Variants in ACRBP observed in about 807,000 individuals in gnomAD.
ACRBP encodes acrosin binding protein, also known as acrosin-binding protein.
A neutral mutation model predicts 69.0 loss-of-function variants in ACRBP; 52 were observed. The ratio of observed to expected loss-of-function variants is 0.75; its 90% CI spans 0.60 to 0.95. ACRBP has a LOEUF of 0.95. Among genes scored for constraint, ACRBP ranks in the 40% least tolerant of loss-of-function variants. The probability of loss-of-function intolerance (pLI) is 0.00; values close to 1 mark genes in which losing one functional copy is unlikely to be tolerated. For missense variants in ACRBP, 604 were observed against 673.0 expected (o/e 0.90, Z 1.13); for synonymous variants, 267 against 258.9 (o/e 1.03, Z -0.30).
intron 6 of ACRBP, among the ~76,000 whole-genome samples, chr12:6,641,274 A>G (rs7972210): frequency 0.99 from 150,904 of 152,332 alleles, 74,760 homozygotes; most frequent in Middle Eastern, 1. Flanking sequence ...AGGAGATCGT[A>G]CTAAGCAGTA....
chr12:6,646,288 T>A (rs939217593), intron 3 of ACRBP, among the ~76,000 whole-genome samples, 195 bp downstream of exon 3: 6 of 152,262 alleles, frequency 3.9e-5, no homozygotes, highest in Non-Finnish European at 7.3e-5. Context: ...CTACTTTTCT[T>A]GCAGTAACAG....
At position 6,638,114 on chromosome 12, in the gene ACRBP, G is replaced by A. The variant is rs1276095033; in HGVS notation, c.*168C>T. 9.3e-6 allele frequency: 8 copies of A among 860,312 alleles called. No individual in the cohort carries two copies. The African/African-American group carries it at 1.4e-4, about 15-fold the overall frequency. The allele number at this position is 860,312 out of a possible 1,614,324, so 53.3% of individuals were successfully genotyped here. A position where few individuals can be genotyped will look rare whatever the true frequency, so the allele number is the denominator to read the frequency against. On this transcript the variant is annotated 3_prime_UTR_variant, in exon 10 of 10. Coordinates refer to ENST00000229243, the MANE Select transcript of ACRBP (RefSeq NM_032489.3). ...TTATGTAAAGTCATCTTTTAAGGAG[G>A]GCGCAGCTCCCACCGTGGCCCTCTC...
rs748268820 is a variant in ACRBP, at chr12:6,644,394, CTCCTCTTCCTGT to C, written c.675_686del (p.Gln226_Glu229del). 5.0e-6 allele frequency: 8 copies of C among 1,614,062 alleles called. No homozygotes were observed. The African/African-American group carries it at 1.1e-4, about 22-fold the overall frequency. On this transcript the variant is annotated inframe_deletion, in exon 5 of 10. Transcript: ENST00000229243. ...TCCCCTGTCCTTCTTCCTGCTTTCC[CTCCTCTTCCTGT>C]TCCTCTTCTTGCTCTTCCTGTTTCT...
chr12:6,646,899 T>C lies in ACRBP; in HGVS notation c.157A>G (p.Thr53Ala), dbSNP rs201181204. ...YERFFALLTP[T>A]WKAETTCRLR... Reference sequence around the variant, plus strand: ...CGGCAGGTAGTCTCTGCCTTCCAGGTTGGAGTCAGCAGTGCGAAGAAGCGT... The same window carrying C: ...CGGCAGGTAGTCTCTGCCTTCCAGGCTGGAGTCAGCAGTGCGAAGAAGCGT... The change falls in exon 2 of 10, where the codon ACC becomes GCC. Residue 53 changes from threonine to alanine, a missense_variant. Thr to Ala is a moderately conservative substitution (Grantham distance 58, BLOSUM62 0). Around this residue, in one of 3 missense-constraint regions of ACRBP, gnomAD observed 532 missense variants for 562.9 expected, o/e 0.95. Coordinates refer to ENST00000229243, the MANE Select transcript of ACRBP (RefSeq NM_032489.3). 1.3e-4 allele frequency: 207 copies of C among 1,614,060 alleles called. No individual in the cohort carries two copies. The highest frequency in any genetic ancestry group is 1.7e-4 in the Non-Finnish European group (201 of 1,180,000).
At chr12:6,646,125 ATTT>A (rs59626834) in intron 3 of ACRBP, among the ~76,000 whole-genome samples, 26 of 121,428 alleles carry the variant, frequency 2.1e-4, no homozygotes, top group Middle Eastern at 4.7e-3. Flanking sequence ...AAGCCCGGCT[ATTT>A]TTTTTTTTTT....
Position 6,646,915 on chromosome 12 carries a change from G to A in ACRBP, c.141C>T (p.Phe47=), listed in dbSNP as rs923106658. The change falls in exon 2 of 10, where the codon TTC becomes TTT. Residue 47 remains phenylalanine, a synonymous_variant. Coordinates refer to ENST00000229243, the MANE Select transcript of ACRBP (RefSeq NM_032489.3). ...PLSPTEYERF[F]ALLTPTWKAE... The stretch of plus-strand genomic sequence containing the variant: ...CCTTCCAGGTTGGAGTCAGCAGTGC[G>A]AAGAAGCGTTCGTATTCGGTAGGAG... 1.9e-6 allele frequency: 3 copies of A among 1,614,014 alleles called. No individual in the cohort carries two copies. Among genetic ancestry groups the A allele is most frequent in the East Asian group, 4.5e-5 (2 of 44,896 alleles).
rs1321783782 is a variant in ACRBP at position 6,640,219 on chromosome 12, G to A, written c.1266C>T (p.Ser422=). The change falls in exon 8 of 10, where the codon TCC becomes TCT. Residue 422 remains serine, a synonymous_variant. Transcript: ENST00000229243. This position sits in a 1 kb window ranked among gnomAD's most constrained non-coding sequence, Gnocchi z 5.3. The part of the protein sequence containing the change: ...QSLSIGNQVG[S]PESGRFYGLD... ...GCCCGTAAAAGCGGCCTGATTCTGG[G>A]GACCCTACCTGTGGCACAGGAGATA... 2 of 1,614,142 alleles carry A rather than the reference G, an allele frequency of 1.2e-6. No individual in the cohort carries two copies. Among genetic ancestry groups the A allele is most frequent in the Non-Finnish European group, 1.7e-6 (2 of 1,180,020 alleles).
chr12:6,644,744 T>C, intron 4 of ACRBP, 139 bp from the exon 5 acceptor site: 2 of 1,349,624 alleles, frequency 1.5e-6, no homozygotes, highest in Non-Finnish European at 2.0e-6. Flanking sequence ...GAAAAGAACA[T>C]AAGTATTAAA....
At chr12:6,647,281 CT>C in intron 1 of ACRBP, 42 bp downstream of exon 1, 1 of 1,534,612 alleles carries the variant, frequency 6.5e-7, no homozygotes, top group Non-Finnish European at 8.8e-7. Flanking sequence ...AGGGAGAGGA[CT>C]AGCCCGGGGA....
chr12:6,646,747 G>C, intron 2 of ACRBP, 47 bp downstream of exon 2: 1 of 1,606,694 alleles, frequency 6.2e-7, no homozygotes, highest in Non-Finnish European at 8.5e-7. Flanking sequence ...CTGAGGTTTG[G>C]GTGAACACTC....
At chr12:6,642,520 A>G (rs1949060345) in intron 6 of ACRBP, among the ~76,000 whole-genome samples, 2 of 152,206 alleles carry the variant, frequency 1.3e-5, no homozygotes, top group Admixed American at 6.5e-5. Flanking sequence ...TTCCAGTACC[A>G]TAAATGGGAG....
rs114920773 is a variant in ACRBP, at chr12:6,640,205, C to A, written c.1280G>T (p.Arg427Leu). 6.2e-7 allele frequency: 1 copy of A among 1,614,146 alleles called. No individual in the cohort carries two copies. The highest frequency in any genetic ancestry group is 1.1e-5 in the South Asian group (1 of 91,086). ...GNQVGSPESG[R>L]FYGLDLYGGL... ...ACCGTACAAATCCAGCCCGTAAAAG[C>A]GGCCTGATTCTGGGGACCCTACCTG... Residue 427 changes from arginine (R) to leucine (L), a missense_variant, in exon 8 of 10, where the codon CGC (arginine) becomes CTC (leucine). Physicochemically the swap from Arg to Leu is moderately radical, Grantham distance 102. Around this residue, in one of 3 missense-constraint regions of ACRBP, gnomAD observed 532 missense variants for 562.9 expected, o/e 0.95. Transcript: ENST00000229243. The surrounding 1 kb of genome is among the most constrained non-coding windows in gnomAD (Gnocchi z 5.3).
At chr12:6,639,949 G>T in intron 8 of ACRBP, 111 bp downstream of exon 8, 1 of 1,354,870 alleles carries the variant, frequency 7.4e-7, no homozygotes, top group Non-Finnish European at 1.0e-6. Flanking sequence ...CGGGTTCTCA[G>T]AAGCCAGGGG....
intron 6 of ACRBP, among the ~76,000 whole-genome samples, chr12:6,642,692 G>A (rs560060070): frequency 6.6e-6 from 1 of 152,260 alleles, no homozygotes; most frequent in East Asian, 1.9e-4. Context: ...TCATTTTTAT[G>A]TTATTCTTGT....
At chr12:6,639,806 C>G (rs1419230643) in intron 8 of ACRBP, among the ~76,000 whole-genome samples, 3 of 152,162 alleles carry the variant, frequency 2.0e-5, no homozygotes, top group Non-Finnish European at 4.4e-5. Flanking sequence ...AAGTAACTGG[C>G]AGAGTTGGGA....
At chr12:6,647,303 G>C (rs1311249771) in intron 1 of ACRBP, 21 bp downstream of exon 1, 3 of 1,548,496 alleles carry the variant, frequency 1.9e-6, no homozygotes, top group East Asian at 2.4e-5. Flanking sequence ...GAGTCTGTTG[G>C]AGCAGGTGTA....
At chr12:6,643,796 G>T in intron 5 of ACRBP, 125 bp from the exon 6 acceptor site, 1 of 1,311,302 alleles carries the variant, frequency 7.6e-7, no homozygotes, top group African/African-American at 1.5e-5. Flanking sequence ...TTAGCATGGG[G>T]CCTTAGAGGC....
intron 4 of ACRBP, 52 bp from the exon 5 acceptor site, chr12:6,644,657 T>C (rs926737094): frequency 3.9e-6 from 6 of 1,543,598 alleles, no homozygotes; most frequent in Non-Finnish European, 5.2e-6. Flanking sequence ...TTCTAGCCCC[T>C]GAGTGTCTTT....
chr12:6,645,399 G>A (rs1485402392), intron 3 of ACRBP, 62 bp from the exon 4 acceptor site: 3 of 1,283,612 alleles, frequency 2.3e-6, no homozygotes, highest in African/African-American at 1.5e-5. Flanking sequence ...GCTCCAGCTG[G>A]TTCTTCAACC....
Sources: gnomAD v4.1 joint callset for allele counts (sites outside exome capture counted in the v4.1 genomes callset) on GRCh38, gnomAD v4.1.1 for gene constraint, gnomAD v4.1.1 regional missense constraint, Gnocchi (gnomAD v3.1) non-coding constraint, MANE v1.5 for transcripts, NCBI Gene and HGNC (gene_info 2026-07-23, HGNC 2026-07-21) for gene names.